RRBP1: variants seen among roughly 807,000 people sequenced by gnomAD.
RRBP1 encodes ribosome binding protein 1.
Under a neutral mutation model 165.2 loss-of-function variants are expected in RRBP1, and 94 were observed. That is an observed-to-expected ratio of 0.57 (90% CI 0.48 to 0.68). The LOEUF is 0.68. RRBP1 is among the 30% of genes least tolerant of loss of function. The pLI is 0.00. For missense variants in RRBP1, 1,676 were observed against 1,763.0 expected (o/e 0.95, Z 0.88); for synonymous variants, 680 against 714.5 (o/e 0.95, Z 0.77).
rs553912402 is a variant in RRBP1 at position 17,643,942 on chromosome 20, A to G, written c.1913-815T>C. Among the ~76,000 whole-genome samples the G allele has an allele frequency of 3.9e-4, 60 of 152,164 alleles. No individual in the cohort carries two copies. Among genetic ancestry groups the G allele is most frequent in the Admixed American group, 7.2e-4 (11 of 15,272 alleles). ...CGGAAGCAAGAAAGGGTGAACCAAG[A>G]TGCCACGCCTGAGTGCCTGGACTCT... On this transcript the variant is annotated intron_variant, in intron 3 of 24. Transcript: ENST00000377813. This position sits in a 1 kb window ranked among gnomAD's most constrained non-coding sequence, Gnocchi z 4.3.
At chr20:17,677,811 C>G (rs2037110781) in intron 2 of RRBP1, among the ~76,000 whole-genome samples, 1 of 151,834 alleles carries the variant, frequency 6.6e-6, no homozygotes, top group African/African-American at 2.4e-5. Context: ...TGGACTCCAG[C>G]CTGGGCAACA....
Position 17,659,535 on chromosome 20 carries a change from C to T in RRBP1, c.973G>A (p.Ala325Thr). Residue 325 changes from alanine to threonine, a missense_variant, in exon 3 of 25, where the codon GCC (alanine) becomes ACC (threonine). Ala to Thr is a moderately conservative substitution (Grantham distance 58). This residue lies in a region of RRBP1 where 78 missense variants were observed against 115.6 expected (regional missense o/e 0.67). Transcript: ENST00000377813. ...TCGGCCTTCTTGCCCTGGTTCTGGG[C>T]CCCCTCTCCCTTTTTGCCCTGATTC... ...AQNQGKKGEG[A>T]QNQGKKAEGA... is the part of the protein sequence containing the mutation. The T allele has an allele frequency of 1.3e-6, 2 of 1,548,398 alleles. No homozygotes were observed. The highest frequency in any genetic ancestry group is 1.7e-6 in the Non-Finnish European group (2 of 1,146,388).
chr20:17,615,011 C>T (rs962702888), intron 23 of RRBP1, 131 bp from the exon 24 acceptor site: 15 of 1,014,632 alleles, frequency 1.5e-5, no homozygotes, highest in Middle Eastern at 2.2e-4. Flanking sequence ...CCTGGTCACC[C>T]GGAGATAGGT....
rs1030111803 is a variant in RRBP1, at chr20:17,643,205, A to T, written c.1913-78T>A. The T allele has an allele frequency of 1.4e-5, 21 of 1,488,160 alleles. No individual in the cohort carries two copies. Among genetic ancestry groups the T allele is most frequent in the Non-Finnish European group, 1.8e-5 (20 of 1,093,428 alleles). The allele number at this position is 1,488,160 out of a possible 1,614,324, so 92.2% of individuals were successfully genotyped here. ...CGTGGCCACAATGCCCATCACACCA[A>T]GAAGGTTCTGGTCACAGCCACGAAG... On this transcript the variant is annotated intron_variant, in intron 3 of 24. Transcript: ENST00000377813. This position sits in a 1 kb window ranked among gnomAD's most constrained non-coding sequence, Gnocchi z 4.3.
intron 24 of RRBP1, among the ~76,000 whole-genome samples, 158 bp from the exon 25 acceptor site, chr20:17,614,378 G>C (rs1239199529): frequency 2.6e-5 from 4 of 152,280 alleles, no homozygotes; most frequent in South Asian, 2.1e-4. Flanking sequence ...GGGGCTGGGG[G>C]ACAGGGAGGA....
chr20:17,667,436 G>A (rs983501940), intron 2 of RRBP1, among the ~76,000 whole-genome samples: 4 of 151,900 alleles, frequency 2.6e-5, no homozygotes, highest in African/African-American at 7.3e-5. Context: ...TTTCTGACAC[G>A]GCCATTTATC....
At chr20:17,627,238 G>C (rs553678877) in intron 11 of RRBP1, 110 bp downstream of exon 11, 2 of 1,055,788 alleles carry the variant, frequency 1.9e-6, no homozygotes, top group South Asian at 3.2e-5. Context: ...TCTGAAAGGG[G>C]CTCTTCTGCA....
intron 8 of RRBP1, among the ~76,000 whole-genome samples, chr20:17,633,166 C>A (rs1363806252): frequency 6.6e-6 from 1 of 152,256 alleles, no homozygotes; most frequent in Non-Finnish European, 1.5e-5. Context: ...AATGCAGACA[C>A]TACCAGTGCC....
At position 17,648,403 on chromosome 20, in the gene RRBP1, G is replaced by C. The variant is rs200166933; in HGVS notation, c.1913-5276C>G. Among the ~76,000 whole-genome samples, 385 of 152,352 alleles carry C rather than the reference G, an allele frequency of 2.5e-3. 10 individuals carry two copies. Among genetic ancestry groups the C allele is most frequent in the East Asian group, 0.013 (69 of 5,180 alleles). ...GCAGGCCCTGGGCAGTGCACAAACA[G>C]TGGACTCCAGGCCCAGCTCAGGCCA... is the stretch of plus-strand genomic sequence containing the variant. On this transcript the variant is annotated intron_variant, in intron 3 of 24. Coordinates refer to ENST00000377813, the MANE Select transcript of RRBP1 (RefSeq NM_001365613.2).
At chr20:17,651,352 G>A (rs942411355) in intron 3 of RRBP1, among the ~76,000 whole-genome samples, 3 of 152,120 alleles carry the variant, frequency 2.0e-5, no homozygotes, top group Non-Finnish European at 2.9e-5. Context: ...AATTAAAAAC[G>A]TACCCACCTT....
intron 2 of RRBP1, among the ~76,000 whole-genome samples, chr20:17,665,239 T>C (rs937006487): frequency 3.9e-5 from 6 of 152,200 alleles, no homozygotes; most frequent in African/African-American, 1.4e-4. Context: ...TATCTATCTC[T>C]ACCAACAAAA....
At chr20:17,651,691 G>A (rs1600761667) in intron 3 of RRBP1, among the ~76,000 whole-genome samples, 1 of 152,170 alleles carries the variant, frequency 6.6e-6, no homozygotes, top group East Asian at 1.9e-4. Flanking sequence ...TTGGGATGGA[G>A]CAAAAAGACT....
rs765011548 is a variant in RRBP1 at position 17,641,903 on chromosome 20, T to C, written c.2078A>G (p.Asp693Gly). The C allele has an allele frequency of 9.9e-6, 16 of 1,613,754 alleles. No individual in the cohort carries two copies. Among genetic ancestry groups the C allele is most frequent in the African/African-American group, 1.3e-5 (1 of 74,936 alleles). ...DTWHKATQKG[D>G]PVAILKRQLE... ...CTGGCGTTTCAGAATCGCCACAGGG[T>C]CACCCTTCTGAGTGGCCTAGAAATA... Residue 693 changes from aspartate (D) to glycine (G), a missense_variant, in exon 5 of 25, where the codon GAC becomes GGC. By Grantham distance (94) the Asp-to-Gly change is moderately conservative (BLOSUM62 -1). Transcript: ENST00000377813.
chr20:17,660,117 TCTC>T lies in RRBP1; in HGVS notation c.388_390del (p.Glu130del), dbSNP rs2036732828. The T allele has an allele frequency of 1.2e-6, 2 of 1,613,968 alleles. No individual in the cohort carries two copies. Among genetic ancestry groups the T allele is most frequent in the Non-Finnish European group, 1.7e-6 (2 of 1,180,024 alleles). ...TTGTCCTTGGGGGAGGAGGCCAGCT[TCTC>T]CTGGGGCATGGCTGGAACTGTGGCG... On this transcript the variant is annotated inframe_deletion, in exon 3 of 25. Transcript: ENST00000377813.
intron 2 of RRBP1, among the ~76,000 whole-genome samples, chr20:17,679,524 T>C (rs904835625): frequency 6.6e-6 from 1 of 152,180 alleles, no homozygotes; most frequent in Admixed American, 6.5e-5. Flanking sequence ...TTAGTTAAAA[T>C]TCCCAGGGCT....
At chr20:17,634,256 T>A (rs572876290) in intron 7 of RRBP1, among the ~76,000 whole-genome samples, 3 of 152,338 alleles carry the variant, frequency 2.0e-5, no homozygotes, top group Non-Finnish European at 4.4e-5. Flanking sequence ...AAAGACTGAC[T>A]GTCCAACCAA....
In RRBP1 at chr20:17,621,930, C is replaced by G. The variant is rs1427796364; in HGVS notation, c.3165G>C (p.Gln1055His). 11 of 1,613,108 alleles carry G rather than the reference C, an allele frequency of 6.8e-6. No homozygotes were observed. Among genetic ancestry groups the G allele is most frequent in the Admixed American group, 1.7e-5 (1 of 60,006 alleles). The change falls in exon 14 of 25, where the codon CAG becomes CAC. Residue 1055 changes from glutamine to histidine, a missense_variant. Coordinates refer to ENST00000377813, the MANE Select transcript of RRBP1 (RefSeq NM_001365613.2). ...LTQAKEESEK[Q>H]LCLIEAQTME... is the part of the protein sequence containing the mutation. Reference sequence around the variant, plus strand: ...TGGTCTGCGCCTCAATCAGACAGAGCTGCTTCTCCGATTCCTCCTGGGGGG... The same window carrying G: ...TGGTCTGCGCCTCAATCAGACAGAGGTGCTTCTCCGATTCCTCCTGGGGGG...
chr20:17,665,534 G>C (rs2036853684), intron 2 of RRBP1, among the ~76,000 whole-genome samples: 1 of 152,144 alleles, frequency 6.6e-6, no homozygotes, highest in Non-Finnish European at 1.5e-5. Context: ...ACCACGCCCA[G>C]CTAATTTTTG....
intron 2 of RRBP1, among the ~76,000 whole-genome samples, chr20:17,674,375 C>T (rs930618099): frequency 6.6e-5 from 10 of 152,182 alleles, no homozygotes; most frequent in African/African-American, 2.2e-4. Flanking sequence ...AAGAACATCA[C>T]CATGAGGTGA....
Sources: allele counts gnomAD v4.1 joint callset (sites outside exome capture counted in the v4.1 genomes callset), GRCh38; gene constraint gnomAD v4.1.1; regional missense constraint gnomAD v4.1.1; non-coding constraint Gnocchi (gnomAD v3.1); transcripts MANE v1.5; gene names NCBI Gene and HGNC (gene_info 2026-07-23, HGNC 2026-07-21).